The following GAD2 variants were observed in gnomAD, a reference collection of about 807,000 sequenced individuals.
GAD2 encodes the protein 65 kDa glutamic acid decarboxylase.
Under a neutral mutation model 80.1 loss-of-function variants are expected in GAD2, and 22 were observed. That is an observed-to-expected ratio of 0.27 (90% CI 0.20 to 0.39). The LOEUF is 0.39. Among genes scored for constraint, GAD2 ranks in the 10% least tolerant of loss-of-function variants. GAD2 has a pLI of 1.00. For synonymous variants in GAD2, 274 were observed against 256.9 expected, an observed-to-expected ratio of 1.07 and a Z score of -0.64; for missense variants, 624 against 738.4, an observed-to-expected ratio of 0.85 and a Z score of 1.80.
chr10:26,298,909 T>C (rs1003258675), intron 15 of GAD2, among the ~76,000 whole-genome samples: 3 of 152,224 alleles, frequency 2.0e-5, no homozygotes, highest in African/African-American at 7.2e-5. Flanking sequence ...TTTGAGATAT[T>C]TTAATTCTTC....
intron 8 of GAD2, among the ~76,000 whole-genome samples, chr10:26,248,204 C>T (rs1365207034): frequency 6.6e-6 from 1 of 152,198 alleles, no homozygotes; most frequent in African/African-American, 2.4e-5. Flanking sequence ...GGTGGTTACA[C>T]ATCAGTTTGG....
rs1203106878 is a variant in GAD2 at position 26,217,933 on chromosome 10, C to A, written c.228C>A (p.Asp76Glu). The A allele has an allele frequency of 6.2e-7, 1 of 1,611,782 alleles. No homozygotes were observed. The highest frequency in any genetic ancestry group is 8.5e-7 in the Non-Finnish European group (1 of 1,179,218). Residue 76 changes from aspartate (D) to glutamate (E), a missense_variant, in exon 3 of 16, where the codon GAC (aspartate) becomes GAA (glutamate). By Grantham distance (45) the Asp-to-Glu change is conservative. Coordinates refer to ENST00000376261, the MANE Select transcript of GAD2 (RefSeq NM_001134366.2). This position sits in a 1 kb window ranked among gnomAD's most constrained non-coding sequence, Gnocchi z 4.9. ...AAARKAACAC[D>E]QKPCSCSKVD... The stretch of plus-strand genomic sequence containing the variant: ...CCCGGAAGGCCGCCTGCGCCTGCGA[C>A]CAGAAGCCCTGCAGCTGCTCCAAAG...
rs148216631 is a variant in GAD2 at position 26,262,870 on chromosome 10, A to G, written c.921-6249A>G. 2.9e-3 allele frequency among the ~76,000 whole-genome samples: 444 copies of G among 150,518 alleles called. 2 individuals carry two copies. Among genetic ancestry groups the G allele is most frequent in the African/African-American group, 0.01 (428 of 40,994 alleles). ...TAATCCTTTTTTTTTTTTCCTCTCT[A>G]CAGATACATTTAGGGAAGAGGGACG... On this transcript the variant is annotated intron_variant, in intron 8 of 15. Coordinates refer to ENST00000376261, the MANE Select transcript of GAD2 (RefSeq NM_001134366.2).
chr10:26,236,612 T>C (rs1333910127), intron 7 of GAD2, among the ~76,000 whole-genome samples: 1 of 152,194 alleles, frequency 6.6e-6, no homozygotes, highest in Non-Finnish European at 1.5e-5. Flanking sequence ...TAAAGATGAC[T>C]TTCACGTATC....
At chr10:26,248,126 A>G (rs1392710209) in intron 8 of GAD2, among the ~76,000 whole-genome samples, 1 of 152,130 alleles carries the variant, frequency 6.6e-6, no homozygotes, top group Non-Finnish European at 1.5e-5. Flanking sequence ...GCTTGCAGGT[A>G]GGGGTTTTTA....
rs1420999455 is a variant in GAD2 at position 26,231,944 on chromosome 10, T to TC, written c.840+2172dup. On this transcript the variant is annotated intron_variant, in intron 7 of 15. Coordinates refer to ENST00000376261, the MANE Select transcript of GAD2 (RefSeq NM_001134366.2). ...GATCTACTCAGATAATCCAGGGCAA[T>TC]CCCCCGTCTCAACCTTAACCTAATC... Among the ~76,000 whole-genome samples, 3 of 152,148 alleles carry TC rather than the reference T, an allele frequency of 2.0e-5. No homozygotes were observed. In the South Asian group the frequency reaches 6.2e-4, roughly 32 times the overall value.
chr10:26,225,883 C>T (rs1196031054), intron 6 of GAD2, among the ~76,000 whole-genome samples: 3 of 152,144 alleles, frequency 2.0e-5, no homozygotes, highest in Non-Finnish European at 2.9e-5. Flanking sequence ...GCACTTAGTA[C>T]TTAGTTTTCC....
At chr10:26,257,019 C>CT (rs1183408853) in intron 8 of GAD2, among the ~76,000 whole-genome samples, 1 of 152,050 alleles carries the variant, frequency 6.6e-6, no homozygotes, top group African/African-American at 2.4e-5. Context: ...GAGATTTTGT[C>CT]TTTTTGTTCT....
chr10:26,284,758 A>G (rs990863861), intron 12 of GAD2, among the ~76,000 whole-genome samples: 1 of 151,966 alleles, frequency 6.6e-6, no homozygotes, highest in African/African-American at 2.4e-5. Flanking sequence ...TTTAGTAGAG[A>G]TGGGGTTTCA....
intron 13 of GAD2, among the ~76,000 whole-genome samples, chr10:26,291,020 T>C (rs1834209598): frequency 6.6e-6 from 1 of 152,232 alleles, no homozygotes; most frequent in Admixed American, 6.5e-5. Context: ...GTAATCCCAT[T>C]GCTGTTGCAG....
intron 7 of GAD2, among the ~76,000 whole-genome samples, chr10:26,241,057 A>G (rs922501702): frequency 2.6e-5 from 4 of 152,158 alleles, no homozygotes; most frequent in Admixed American, 1.3e-4. Flanking sequence ...AGAAAAAAAA[A>G]AGAGAGAGTG....
Position 26,217,375 on chromosome 10 carries a change from C to T in GAD2, c.77-235C>T, listed in dbSNP as rs1844387870. On this transcript the variant is annotated intron_variant, in intron 1 of 15. Transcript: ENST00000376261. This position sits in a 1 kb window ranked among gnomAD's most constrained non-coding sequence, Gnocchi z 4.9. ...AGCCGATTGGCACCTGGAAGGGCAG[C>T]GGTGTGGGCTTCTCCTCGGGAAACA... is the stretch of plus-strand genomic sequence containing the variant. 5.3e-5 allele frequency among the ~76,000 whole-genome samples: 8 copies of T among 152,160 alleles called. No individual in the cohort carries two copies. In the South Asian group the frequency reaches 1.7e-3, roughly 32 times the overall value.
At chr10:26,274,767 G>A (rs1433164502) in intron 11 of GAD2, among the ~76,000 whole-genome samples, 4 of 152,222 alleles carry the variant, frequency 2.6e-5, no homozygotes, top group African/African-American at 9.6e-5. Context: ...TGTGGAAAGA[G>A]AGGGGTATGG....
intron 3 of GAD2, 56 bp downstream of exon 3, chr10:26,218,047 ACCGCGGCCGGTGCGGGTC>A: frequency 6.6e-7 from 1 of 1,511,232 alleles, no homozygotes; most frequent in South Asian, 1.3e-5. Context: ...TGCCCCGCCC[ACCGCGGCCGGTGCGGGTC>A]CGGCGCTGAG....
At chr10:26,247,529 A>G (rs973514362) in intron 8 of GAD2, among the ~76,000 whole-genome samples, 5 of 152,158 alleles carry the variant, frequency 3.3e-5, no homozygotes, top group Admixed American at 3.3e-4. Context: ...GGGGTCCAGA[A>G]GCCAAGCCTT....
At chr10:26,283,139 A>G (rs567530969) in intron 12 of GAD2, among the ~76,000 whole-genome samples, 1 of 152,238 alleles carries the variant, frequency 6.6e-6, no homozygotes, top group Non-Finnish European at 1.5e-5. Context: ...CATTGGAAGG[A>G]TCTACTGACT....
rs1844485897 is a variant in GAD2 at position 26,223,880 on chromosome 10, T to A, written c.521-7T>A. 1 of 1,571,104 alleles carries A rather than the reference T, an allele frequency of 6.4e-7. No individual in the cohort carries two copies. The highest frequency in any genetic ancestry group is 8.7e-7 in the Non-Finnish European group (1 of 1,152,820). On this transcript the variant is annotated splice_polypyrimidine_tract_variant and splice_region_variant and intron_variant, in intron 4 of 15. Coordinates refer to ENST00000376261, the MANE Select transcript of GAD2 (RefSeq NM_001134366.2). Reference sequence around the variant, plus strand: ...CAATCCTGATTCTGGTATTCCATTTTATTCAGGGCATCCTAGATACTTCAA... The same window carrying A: ...CAATCCTGATTCTGGTATTCCATTTAATTCAGGGCATCCTAGATACTTCAA...
intron 12 of GAD2, among the ~76,000 whole-genome samples, chr10:26,283,000 G>C (rs553328625): frequency 7.2e-5 from 11 of 152,306 alleles, no homozygotes; most frequent in Admixed American, 2.6e-4. Flanking sequence ...CTTCAAAGGA[G>C]AAAATAAATT....
chr10:26,234,828 A>C (rs897810622), intron 7 of GAD2, among the ~76,000 whole-genome samples: 11 of 152,108 alleles, frequency 7.2e-5, no homozygotes, highest in Non-Finnish European at 1.0e-4. Context: ...AGCTGCTCTA[A>C]ATTCACTTGT....
Sources: gnomAD v4.1 joint callset for allele counts (sites outside exome capture counted in the v4.1 genomes callset) on GRCh38, gnomAD v4.1.1 for gene constraint, Gnocchi (gnomAD v3.1) non-coding constraint, MANE v1.5 for transcripts, NCBI Gene and HGNC (gene_info 2026-07-23, HGNC 2026-07-21) for gene names.